The following PRKDC variants were observed in gnomAD, a reference collection of about 807,000 sequenced individuals.
PRKDC encodes the protein protein kinase, DNA-activated, catalytic subunit, also known as DNA-dependent protein kinase catalytic subunit.
A neutral mutation model predicts 486.9 loss-of-function variants in PRKDC; 82 were observed. The observed-to-expected ratio is 0.17, with a 90% CI of 0.14 to 0.20. The LOEUF (loss-of-function observed/expected upper bound fraction) is 0.20, where lower values mean the gene tolerates loss of function less well. Ranked by LOEUF, PRKDC falls within the 10% of genes least tolerant of loss-of-function variation. PRKDC has a pLI of 1.00. For missense variants in PRKDC, 4,504 were observed against 5,038.2 expected, an observed-to-expected ratio of 0.89 and a Z score of 3.21; for synonymous variants, 1,895 against 1,837.0, an observed-to-expected ratio of 1.03 and a Z score of -0.81.
At chr8:47,834,046 G>GT (rs2087949191) in intron 59 of PRKDC, 150 bp downstream of exon 59, 1 of 959,540 alleles carries the variant, frequency 1.0e-6, no homozygotes, top group Non-Finnish European at 1.6e-6. Flanking sequence ...CTTCAGCATG[G>GT]TGAGTGCCTA....
intron 54 of PRKDC, among the ~76,000 whole-genome samples, chr8:47,847,874 A>AATATAT (rs34432546): frequency 3.0e-4 from 44 of 146,266 alleles, no homozygotes; most frequent in African/African-American, 5.5e-4. Flanking sequence ...GCGGCCAACA[A>AATATAT]ATATATATAT....
intron 62 of PRKDC, among the ~76,000 whole-genome samples, chr8:47,827,069 T>C (rs939982553): frequency 6.6e-6 from 1 of 150,904 alleles, no homozygotes; most frequent in Non-Finnish European, 1.5e-5. Flanking sequence ...TACGCTTCCA[T>C]TCCAGGGATC....
chr8:47,958,999 G>A (rs1410820708), intron 1 of PRKDC: 3 of 152,304 alleles, frequency 2.0e-5, no homozygotes, highest in African/African-American at 4.8e-5. Context: ...GCCTCCCAAA[G>A]TGCTGGGATT....
At chr8:47,817,631 C>A (rs971914802) in intron 67 of PRKDC, 70 bp from the exon 68 acceptor site, 16 of 993,686 alleles carry the variant, frequency 1.6e-5, no homozygotes, top group Admixed American at 1.5e-4. Flanking sequence ...AGGTCATTAT[C>A]AGTAAATAGA....
chr8:47,911,246 TTAAC>T (rs1475504953), intron 25 of PRKDC, among the ~76,000 whole-genome samples: 1 of 152,172 alleles, frequency 6.6e-6, no homozygotes, highest in African/African-American at 2.4e-5. Flanking sequence ...CATGCAGAGT[TTAAC>T]TAACTCCAAG....
rs936882152 is a variant in PRKDC at position 47,782,582 on chromosome 8, G to C, written c.11192C>G (p.Ser3731Cys). Reference protein sequence around the residue: ...GFDERVTVMASLRRPKRIIIR... With the variant: ...GFDERVTVMACLRRPKRIIIR... The stretch of plus-strand genomic sequence containing the variant: ...GATGATGCGCTTGGGCCTTCGCAGA[G>C]ACGCCATGACTGTCACCTTCAAAAA... Residue 3731 changes from serine to cysteine, a missense_variant, in exon 79 of 86, where the codon TCT (serine) becomes TGT (cysteine). Physicochemically the swap from Ser to Cys is moderately radical, Grantham distance 112. This residue lies in a region of PRKDC where 706 missense variants were observed against 945.0 expected (regional missense o/e 0.75). Transcript: ENST00000314191. This position sits in a 1 kb window ranked among gnomAD's most constrained non-coding sequence, Gnocchi z 4.9. 1.2e-5 allele frequency: 18 copies of C among 1,560,652 alleles called. No homozygotes were observed. Among genetic ancestry groups the C allele is most frequent in the Non-Finnish European group, 1.5e-5 (17 of 1,152,440 alleles).
intron 68 of PRKDC, among the ~76,000 whole-genome samples, chr8:47,809,169 G>A (rs984542567): frequency 6.6e-6 from 1 of 151,646 alleles, no homozygotes; most frequent in African/African-American, 2.4e-5. Flanking sequence ...AGGAAACACT[G>A]CAGGAAGATA....
At chr8:47,958,885 G>A (rs1027630643) in intron 1 of PRKDC, among the ~76,000 whole-genome samples, 2 of 151,898 alleles carry the variant, frequency 1.3e-5, no homozygotes, top group East Asian at 1.9e-4. Context: ...ACAGGCGCTC[G>A]CCACCATGCC....
At position 47,862,019 on chromosome 8, in the gene PRKDC, G is replaced by T. The variant is rs185764742; in HGVS notation, c.5985+43C>A. 3,876 of 1,436,322 alleles carry T rather than the reference G, an allele frequency of 2.7e-3. 11 individuals carry two copies. The highest frequency in any genetic ancestry group is 3.2e-3 in the Non-Finnish European group (3,371 of 1,053,064). The allele number at this position is 1,436,322 out of a possible 1,614,324, so 89.0% of individuals were successfully genotyped here. A position where few individuals can be genotyped will look rare whatever the true frequency, so the allele number is the denominator to read the frequency against. ...TTTGACATAATATGGTTTTCTTTGT[G>T]AGCACTTGATAAGTTTTTTTTAACA... On this transcript the variant is annotated intron_variant, in intron 44 of 85. Transcript: ENST00000314191.
Position 47,782,404 on chromosome 8 carries a change from G to A in PRKDC, c.11370C>T (p.Thr3790=), listed in dbSNP as rs374696132. 1.1e-5 allele frequency: 17 copies of A among 1,603,714 alleles called. No individual in the cohort carries two copies. Among genetic ancestry groups the A allele is most frequent in the Non-Finnish European group, 1.4e-5 (17 of 1,175,874 alleles). ...ACSQRALQLR[T]YSVVPMTSRL... is the part of the protein sequence containing the mutation. ...TGGAGGTCATGGGCACAACGCTATA[G>A]GTCCTCAGCTGCAGGGCCCTCTGGC... Residue 3790 remains threonine, a synonymous_variant, in exon 79 of 86, where the codon ACC becomes ACT. Transcript: ENST00000314191. The surrounding 1 kb of genome is among the most constrained non-coding windows in gnomAD (Gnocchi z 4.9).
At chr8:47,858,236 G>A (rs1288412273) in intron 48 of PRKDC, among the ~76,000 whole-genome samples, 5 of 149,162 alleles carry the variant, frequency 3.4e-5, no homozygotes, top group East Asian at 4.1e-4. Context: ...GTTGGCAGCC[G>A]TAAGAAAGCA....
chr8:47,781,678 G>A (rs1192907482), intron 80 of PRKDC, among the ~76,000 whole-genome samples: 3 of 152,120 alleles, frequency 2.0e-5, no homozygotes, highest in African/African-American at 7.2e-5. Context: ...AAATAAAAAA[G>A]CATCCACATC....
chr8:47,855,295 C>A lies in PRKDC; in HGVS notation c.6688G>T (p.Val2230Leu). 2 of 1,602,472 alleles carry A rather than the reference C, an allele frequency of 1.2e-6. No homozygotes were observed. Among genetic ancestry groups the A allele is most frequent in the Admixed American group, 1.7e-5 (1 of 58,424 alleles). ...MKHVFHPKRA[V>L]FRHNLEIIKT... Reference sequence around the variant, plus strand: ...ATAATTTCAAGGTTGTGTCTAAACACAGCTCTTTTTGGATGAAAGACATGT... The same window carrying A: ...ATAATTTCAAGGTTGTGTCTAAACAAAGCTCTTTTTGGATGAAAGACATGT... The change falls in exon 50 of 86, where the codon GTG becomes TTG. Residue 2230 changes from valine to leucine, a missense_variant. Transcript: ENST00000314191.
At chr8:47,871,836 C>T (rs1219557511) in intron 40 of PRKDC, among the ~76,000 whole-genome samples, 1 of 152,164 alleles carries the variant, frequency 6.6e-6, no homozygotes, top group African/African-American at 2.4e-5. Flanking sequence ...GGAGATCCAC[C>T]AGCCTCGGCC....
At chr8:47,855,740 T>C (rs887069564) in intron 49 of PRKDC, among the ~76,000 whole-genome samples, 4 of 152,216 alleles carry the variant, frequency 2.6e-5, no homozygotes, top group African/African-American at 4.8e-5. Flanking sequence ...TCCGACTCAG[T>C]ATCCAGTGCT....
chr8:47,804,369 G>A (rs1339518952), intron 69 of PRKDC, among the ~76,000 whole-genome samples: 3 of 146,234 alleles, frequency 2.1e-5, no homozygotes, highest in African/African-American at 5.1e-5. Flanking sequence ...GCACAATCTC[G>A]GCTCACTGCA....
At chr8:47,951,442 G>A (rs1410236584) in intron 7 of PRKDC, among the ~76,000 whole-genome samples, 1 of 151,908 alleles carries the variant, frequency 6.6e-6, no homozygotes, top group Non-Finnish European at 1.5e-5. Flanking sequence ...ACTGGTATCT[G>A]GCTAGGCACA....
intron 74 of PRKDC, among the ~76,000 whole-genome samples, chr8:47,793,669 T>A (rs1257256909): frequency 2.3e-5 from 3 of 128,020 alleles, no homozygotes; most frequent in Non-Finnish European, 3.3e-5. Flanking sequence ...AAAAATAAAT[T>A]AATTTAAAAA....
rs1473243545 is a variant in PRKDC at position 47,890,477 on chromosome 8, G to C, written c.3851C>G (p.Thr1284Ser). 1.3e-6 allele frequency: 2 copies of C among 1,540,818 alleles called. No individual in the cohort carries two copies. Among genetic ancestry groups the C allele is most frequent in the Non-Finnish European group, 1.8e-6 (2 of 1,137,134 alleles). Reference sequence around the variant, plus strand: ...TTTCAAAAGTGAAGACTGGGCTTCAGTACCTAGAAGCAATTATATTAAAGT... The same window carrying C: ...TTTCAAAAGTGAAGACTGGGCTTCACTACCTAGAAGCAATTATATTAAAGT... ...RTVGALQVLG[T>S]EAQSSLLKAV... is the part of the protein sequence containing the mutation. Residue 1284 changes from threonine (T) to serine (S), a missense_variant, in exon 32 of 86, where the codon ACT becomes AGT. Physicochemically the swap from Thr to Ser is moderately conservative, Grantham distance 58. This residue lies in a region of PRKDC where 1,969 missense variants were observed against 2,068.9 expected (regional missense o/e 0.95). Transcript: ENST00000314191.
Sources: gnomAD v4.1 joint callset for allele counts (sites outside exome capture counted in the v4.1 genomes callset) on GRCh38, gnomAD v4.1.1 for gene constraint, gnomAD v4.1.1 regional missense constraint, Gnocchi (gnomAD v3.1) non-coding constraint, MANE v1.5 for transcripts, NCBI Gene and HGNC (gene_info 2026-07-23, HGNC 2026-07-21) for gene names.